NARS2: variants seen among roughly 807,000 people sequenced by gnomAD.
NARS2 encodes the protein asparaginyl-tRNA synthetase 2, mitochondrial.
In NARS2, 60 loss-of-function variants were observed where a neutral mutation model predicts 62.9. The observed-to-expected ratio is 0.95, with a 90% CI of 0.77 to 1.18. The LOEUF (loss-of-function observed/expected upper bound fraction) is 1.18. Among genes scored for constraint, NARS2 ranks in the 50% most tolerant of loss-of-function variants. NARS2 has a pLI of 0.00. For synonymous variants in NARS2, 196 were observed against 200.0 expected, an observed-to-expected ratio of 0.98 and a Z score of 0.17; for missense variants, 619 against 576.4, an observed-to-expected ratio of 1.07 and a Z score of -0.76.
chr11:78,464,607 C>G (rs1256120281), intron 11 of NARS2, among the ~76,000 whole-genome samples: 3 of 152,178 alleles, frequency 2.0e-5, no homozygotes, highest in African/African-American at 7.2e-5. Context: ...CATTCACAAC[C>G]CTGAGCTAGA....
At chr11:78,456,009 C>A (rs1485273920) in intron 11 of NARS2, among the ~76,000 whole-genome samples, 1 of 152,006 alleles carries the variant, frequency 6.6e-6, no homozygotes, top group African/African-American at 2.4e-5. Context: ...TTCCATTTTC[C>A]TCTGTCTACC....
chr11:78,535,030 C>T (rs544331153), intron 5 of NARS2, among the ~76,000 whole-genome samples: 5 of 152,240 alleles, frequency 3.3e-5, no homozygotes, highest in Admixed American at 1.3e-4. Flanking sequence ...TAACTGAAAG[C>T]CTAAACACAG....
intron 1 of NARS2, 84 bp downstream of exon 1, chr11:78,574,264 C>A (rs1565295258): frequency 1.3e-6 from 2 of 1,569,246 alleles, no homozygotes; most frequent in Admixed American, 1.7e-5. Flanking sequence ...TGTGTCTGAC[C>A]CGACTGTAAA....
chr11:78,500,628 C>T (rs1860245350), intron 6 of NARS2, among the ~76,000 whole-genome samples: 1 of 152,154 alleles, frequency 6.6e-6, no homozygotes, highest in African/African-American at 2.4e-5. Context: ...CATGTGCCAC[C>T]AAGCCCAGCT....
At chr11:78,456,950 A>T (rs1302984176) in intron 11 of NARS2, among the ~76,000 whole-genome samples, 1 of 152,246 alleles carries the variant, frequency 6.6e-6, no homozygotes, top group Non-Finnish European at 1.5e-5. Flanking sequence ...ATCCATGCAT[A>T]TGAAGAAAAA....
chr11:78,468,936 C>T (rs779288520), intron 10 of NARS2, among the ~76,000 whole-genome samples: 5 of 151,942 alleles, frequency 3.3e-5, no homozygotes, highest in Non-Finnish European at 5.9e-5. Context: ...CTGGTCTCTA[C>T]AGTAATAGTC....
chr11:78,446,783 C>G (rs1156291379), intron 11 of NARS2, among the ~76,000 whole-genome samples: 1 of 152,010 alleles, frequency 6.6e-6, no homozygotes, highest in African/African-American at 2.4e-5. Context: ...TTAGTCTGGG[C>G]AATGATTTTT....
At chr11:78,482,250 T>C (rs567440225) in intron 7 of NARS2, among the ~76,000 whole-genome samples, 3 of 152,222 alleles carry the variant, frequency 2.0e-5, no homozygotes, top group South Asian at 2.1e-4. Flanking sequence ...TAAAGCAGTG[T>C]TAAGAGGGAA....
chr11:78,560,080 G>C lies in NARS2; in HGVS notation c.514-461C>G, dbSNP rs548356505. Among the ~76,000 whole-genome samples the C allele has an allele frequency of 2.0e-5, 3 of 151,936 alleles. No individual in the cohort carries two copies. In the South Asian group the frequency reaches 6.2e-4, roughly 32 times the overall value. ...CCACGTTGCTAGAGGAATACAAAGC[G>C]ATCAGTATAAACTTATCTTGAAATA... is the stretch of plus-strand genomic sequence containing the variant. On this transcript the variant is annotated intron_variant, in intron 4 of 13. Coordinates refer to ENST00000281038, the MANE Select transcript of NARS2 (RefSeq NM_024678.6).
chr11:78,532,979 G>T (rs537487646), intron 5 of NARS2, among the ~76,000 whole-genome samples: 11 of 152,080 alleles, frequency 7.2e-5, no homozygotes, highest in Non-Finnish European at 1.3e-4. Context: ...CTGGAGTCTT[G>T]TTTTTTCTGG....
chr11:78,498,961 C>T (rs1172937241), intron 6 of NARS2, among the ~76,000 whole-genome samples: 1 of 8,012 alleles, frequency 1.2e-4, no homozygotes, highest in African/African-American at 3.4e-4. Context: ...GACACGATCT[C>T]GGCTCACTGC....
At chr11:78,569,148 T>C (rs920485713) in intron 2 of NARS2, among the ~76,000 whole-genome samples, 4 of 152,282 alleles carry the variant, frequency 2.6e-5, no homozygotes, top group African/African-American at 9.6e-5. Flanking sequence ...TTTTACTTAG[T>C]TGACTGGTGA....
At chr11:78,484,041 T>C (rs948457050) in intron 7 of NARS2, among the ~76,000 whole-genome samples, 1 of 152,094 alleles carries the variant, frequency 6.6e-6, no homozygotes, top group African/African-American at 2.4e-5. Flanking sequence ...CCAAAACAGA[T>C]ATGTGGACCC....
At chr11:78,468,347 A>AAAAAAAAG (rs1858720567) in intron 10 of NARS2, among the ~76,000 whole-genome samples, 1 of 149,944 alleles carries the variant, frequency 6.7e-6, no homozygotes, top group African/African-American at 2.4e-5. Flanking sequence ...AGAAAAAGAA[A>AAAAAAAAG]AACACACCTG....
At chr11:78,496,624 T>C (rs889638101) in intron 6 of NARS2, among the ~76,000 whole-genome samples, 4 of 152,070 alleles carry the variant, frequency 2.6e-5, no homozygotes, top group Admixed American at 2.0e-4. Context: ...TTTAGTATAT[T>C]CCCCCTTCTC....
At chr11:78,538,493 C>T (rs999566847) in intron 5 of NARS2, among the ~76,000 whole-genome samples, 3 of 151,938 alleles carry the variant, frequency 2.0e-5, no homozygotes. Flanking sequence ...GAGTTGGGTA[C>T]TGGGGTATGG....
chr11:78,546,232 C>CT (rs1310643838), intron 5 of NARS2, among the ~76,000 whole-genome samples: 1 of 152,224 alleles, frequency 6.6e-6, no homozygotes, highest in African/African-American at 2.4e-5. Flanking sequence ...CCAGGTATCT[C>CT]TGTCTTACCA....
chr11:78,456,949 T>G (rs2135181444), intron 11 of NARS2, among the ~76,000 whole-genome samples: 1 of 152,326 alleles, frequency 6.6e-6, no homozygotes, highest in South Asian at 2.1e-4. Context: ...TATCCATGCA[T>G]ATGAAGAAAA....
chr11:78,487,312 T>C (rs1322873900), intron 7 of NARS2, among the ~76,000 whole-genome samples: 3 of 144,686 alleles, frequency 2.1e-5, no homozygotes, highest in African/African-American at 7.8e-5. Flanking sequence ...GCTGAGATCA[T>C]GCCACTGCAC....
Sources: allele counts gnomAD v4.1 joint callset (sites outside exome capture counted in the v4.1 genomes callset), GRCh38; gene constraint gnomAD v4.1.1; transcripts MANE v1.5; gene names NCBI Gene and HGNC (gene_info 2026-07-23, HGNC 2026-07-21).